The following ITPR1 variants were observed in gnomAD, a reference collection of about 807,000 sequenced individuals.
The protein encoded by ITPR1 is inositol 1,4,5-trisphosphate-gated calcium channel ITPR1.
Under a neutral mutation model 318.4 loss-of-function variants are expected in ITPR1, and 96 were observed. The ratio of observed to expected loss-of-function variants is 0.30; its 90% CI spans 0.26 to 0.36. The LOEUF (loss-of-function observed/expected upper bound fraction) is 0.36. ITPR1 is among the 10% of genes least tolerant of loss of function. ITPR1 has a pLI of 1.00. For synonymous variants in ITPR1, 1,312 were observed against 1,289.9 expected, an observed-to-expected ratio of 1.02 and a Z score of -0.37; for missense variants, 2,440 against 3,460.2, an observed-to-expected ratio of 0.71 and a Z score of 7.40.
intron 24 of ITPR1, among the ~76,000 whole-genome samples, chr3:4,679,098 GA>G (rs896000955): frequency 6.6e-6 from 1 of 152,158 alleles, no homozygotes; most frequent in African/African-American, 2.4e-5. Context: ...AGAACTCTAT[GA>G]GAAGCGGTAA....
At chr3:4,531,593 C>T (rs763578780) in intron 4 of ITPR1, among the ~76,000 whole-genome samples, 8 of 152,190 alleles carry the variant, frequency 5.3e-5, no homozygotes, top group Admixed American at 3.9e-4. Context: ...CACTGCTTAC[C>T]TCTCAGCCTT....
intron 4 of ITPR1, among the ~76,000 whole-genome samples, chr3:4,601,222 A>G (rs2091255551): frequency 7.1e-6 from 1 of 141,748 alleles, no homozygotes; most frequent in African/African-American, 2.6e-5. Flanking sequence ...TTCCACATGC[A>G]AAAAAGTAAA....
At position 4,706,949 on chromosome 3, in the gene ITPR1, G is replaced by A. The variant is rs188015161; in HGVS notation, c.4842+598G>A. ...AGCACCTCAGTTGATGCTCTCACAG[G>A]TAGTACATAGGTCACAGTTTGAGAA... On this transcript the variant is annotated intron_variant, in intron 37 of 61. Transcript: ENST00000649015. 3.9e-5 allele frequency among the ~76,000 whole-genome samples: 6 copies of A among 152,248 alleles called. No individual in the cohort carries two copies. In the East Asian group the frequency reaches 5.8e-4, roughly 15 times the overall value.
rs2094684054 is a variant in ITPR1 at position 4,702,813 on chromosome 3, CT to C, written c.4537-13del. On this transcript the variant is annotated splice_polypyrimidine_tract_variant and intron_variant, in intron 35 of 61. Coordinates refer to ENST00000649015, the MANE Select transcript of ITPR1 (RefSeq NM_001378452.1). ...TAAAAATCTGTTTTTCACGTTGCCT[CT>C]TTTGGCTTCTTGCAGACTCGCCAGC... 3 of 1,612,522 alleles carry C rather than the reference CT, an allele frequency of 1.9e-6. No individual in the cohort carries two copies.
chr3:4,549,184 T>C (rs1271993966), intron 4 of ITPR1, among the ~76,000 whole-genome samples: 1 of 152,248 alleles, frequency 6.6e-6, no homozygotes, highest in African/African-American at 2.4e-5. Context: ...TTATAATACA[T>C]AGTTTAAATA....
intron 44 of ITPR1, among the ~76,000 whole-genome samples, chr3:4,748,848 T>G (rs545278511): frequency 6.6e-6 from 1 of 152,358 alleles, no homozygotes; most frequent in Admixed American, 6.5e-5. Context: ...GGAGTATGTT[T>G]CTACATTTGT....
intron 31 of ITPR1, among the ~76,000 whole-genome samples, chr3:4,689,941 C>T (rs2094454556): frequency 1.3e-5 from 2 of 152,112 alleles, no homozygotes; most frequent in African/African-American, 4.8e-5. Flanking sequence ...CCAGAATGTA[C>T]ATAACACACT....
chr3:4,667,072 G>A (rs1393174252), intron 17 of ITPR1, among the ~76,000 whole-genome samples: 1 of 152,124 alleles, frequency 6.6e-6, no homozygotes, highest in East Asian at 1.9e-4. Flanking sequence ...ACCAGCTTTG[G>A]ACCTTTTTGA....
rs114207509 is a variant in ITPR1 at position 4,684,368 on chromosome 3, A to G, written c.3564+22A>G. ...AGAGGTAAGCTCCTCCCCCACCACC[A>G]TTTTTCCTTTCTTTATGAATTCTCT... On this transcript the variant is annotated intron_variant, in intron 29 of 61. Transcript: ENST00000649015. 1,390 of 1,566,956 alleles carry G rather than the reference A, an allele frequency of 8.9e-4. 17 individuals are homozygous for G. In the African/African-American group the frequency reaches 0.017, roughly 19 times the overall value.
intron 40 of ITPR1, among the ~76,000 whole-genome samples, chr3:4,722,401 A>C (rs573720199): frequency 2.0e-5 from 3 of 152,296 alleles, no homozygotes; most frequent in African/African-American, 7.2e-5. Context: ...GAACATGGGA[A>C]TTTCAGAGAG....
intron 44 of ITPR1, 40 bp downstream of exon 44, chr3:4,735,394 G>C (rs747509360): frequency 6.6e-6 from 10 of 1,524,956 alleles, no homozygotes; most frequent in Non-Finnish European, 9.1e-6. Flanking sequence ...CATCCCTGCT[G>C]AGCAGGAGGA....
intron 4 of ITPR1, among the ~76,000 whole-genome samples, chr3:4,614,282 T>C (rs2125105351): frequency 6.6e-6 from 1 of 152,226 alleles, no homozygotes; most frequent in Non-Finnish European, 1.5e-5. Context: ...CAAAAACAAA[T>C]AACGATTGTG....
intron 2 of ITPR1, among the ~76,000 whole-genome samples, chr3:4,508,466 T>TTTG (rs1290407506): frequency 6.6e-6 from 1 of 151,368 alleles, no homozygotes; most frequent in African/African-American, 2.4e-5. Context: ...TTTTTTTTTT[T>TTTG]TTTTTTTTTT....
At chr3:4,669,265 A>G (rs2094019812) in intron 18 of ITPR1, among the ~76,000 whole-genome samples, 1 of 152,234 alleles carries the variant, frequency 6.6e-6, no homozygotes, top group Non-Finnish European at 1.5e-5. Flanking sequence ...AACGCTCCAT[A>G]GCAGAACTCC....
chr3:4,501,020 AT>A (rs1444864527), intron 2 of ITPR1, among the ~76,000 whole-genome samples: 7 of 100,762 alleles, frequency 6.9e-5, no homozygotes, highest in Admixed American at 1.9e-4. Flanking sequence ...CTCCTGGCTA[AT>A]TTAAAAAAAA....
chr3:4,827,685 A>G (rs2050167052), intron 60 of ITPR1, among the ~76,000 whole-genome samples: 1 of 152,200 alleles, frequency 6.6e-6, no homozygotes. Context: ...AGATTCCAAT[A>G]AGCAACATTC....
chr3:4,836,982 C>G (rs755950406), intron 61 of ITPR1, 47 bp downstream of exon 61: 4 of 1,451,118 alleles, frequency 2.8e-6, no homozygotes, highest in East Asian at 4.7e-5. Context: ...ACTATCCCCA[C>G]CCACACCCAC....
chr3:4,544,013 G>T (rs2084726277), intron 4 of ITPR1, among the ~76,000 whole-genome samples: 1 of 152,054 alleles, frequency 6.6e-6, no homozygotes, highest in Non-Finnish European at 1.5e-5. Context: ...AGGAATAAGG[G>T]ACAACACAGT....
chr3:4,575,999 G>A (rs1372659793), intron 4 of ITPR1, among the ~76,000 whole-genome samples: 1 of 151,096 alleles, frequency 6.6e-6, no homozygotes, highest in Non-Finnish European at 1.5e-5. Context: ...CAGCCTGGGT[G>A]GCAGACTGAG....
Sources: gnomAD v4.1 joint callset for allele counts (sites outside exome capture counted in the v4.1 genomes callset) on GRCh38, gnomAD v4.1.1 for gene constraint, MANE v1.5 for transcripts, NCBI Gene and HGNC (gene_info 2026-07-23, HGNC 2026-07-21) for gene names.